ZNF469: variants seen among roughly 807,000 people sequenced by gnomAD.
ZNF469 encodes the protein zinc finger protein 469.
In ZNF469, 1 loss-of-function variant was observed where a neutral mutation model predicts 1.0. That is an observed-to-expected ratio of 1.00 (90% CI 0.35 to 4.73). The LOEUF (loss-of-function observed/expected upper bound fraction) is 4.73, where lower values mean the gene tolerates loss of function less well. Ranked by LOEUF, ZNF469 falls within the 30% of genes most tolerant of loss-of-function variation. The pLI, the probability that ZNF469 is intolerant of heterozygous loss-of-function variation, is 0.16. For missense variants in ZNF469, 6,100 were observed against 5,356.3 expected (o/e 1.14, Z -4.33); for synonymous variants, 2,703 against 2,363.4 (o/e 1.14, Z -4.17).
At position 88,424,143 on chromosome 16, in the gene ZNF469, G is replaced by C. The variant is rs73253645; in HGVS notation, c.-191-664G>C. On this transcript the variant is annotated intron_variant, in intron 1 of 2. Coordinates refer to ENST00000565624, the MANE Select transcript of ZNF469 (RefSeq NM_001367624.2). This position sits in a 1 kb window ranked among gnomAD's most constrained non-coding sequence, Gnocchi z 4.3. ...GTATTGTTTCTAAGGGCCGAATGCA[G>C]GCAGCAGCCCAGTGTCCATCCAGAC... Among the ~76,000 whole-genome samples the C allele has an allele frequency of 0.011, 1,708 of 152,370 alleles. 40 individuals are homozygous for C. Among genetic ancestry groups the C allele is most frequent in the African/African-American group, 0.039 (1,629 of 41,588 alleles).
At chr16:88,390,083 GAAAT>G (rs1904442921) in intron 1 of ZNF469, among the ~76,000 whole-genome samples, 1 of 152,210 alleles carries the variant, frequency 6.6e-6, no homozygotes, top group Admixed American at 6.5e-5. Flanking sequence ...CGAGGAGAAA[GAAAT>G]AATCAGACTT....
At chr16:88,331,406 A>T in the ZNF469 span, among the ~76,000 whole-genome samples, 1 of 150,310 alleles carries the variant, frequency 6.7e-6, no homozygotes, top group Non-Finnish European at 1.5e-5. Flanking sequence ...TACCATCGTC[A>T]TCACCATCAC....
chr16:88,301,544 C>G, the ZNF469 span, among the ~76,000 whole-genome samples: 25 of 152,222 alleles, frequency 1.6e-4, no homozygotes, highest in African/African-American at 5.8e-4. Context: ...CTCACCCGAA[C>G]AGCCTCTCCA....
chr16:88,411,689 T>C (rs1383792575), intron 1 of ZNF469, among the ~76,000 whole-genome samples: 2 of 152,028 alleles, frequency 1.3e-5, no homozygotes, highest in Non-Finnish European at 2.9e-5. Context: ...TGGCCTGAGG[T>C]GGCGCAGGGT....
chr16:88,365,675 C>T, the ZNF469 span, among the ~76,000 whole-genome samples: 2 of 152,182 alleles, frequency 1.3e-5, no homozygotes, highest in African/African-American at 2.4e-5. Flanking sequence ...GCCAGAGGGT[C>T]CTGACCAGGA....
chr16:88,350,626 C>T, the ZNF469 span, among the ~76,000 whole-genome samples: 3 of 152,360 alleles, frequency 2.0e-5, no homozygotes, highest in South Asian at 2.1e-4. Context: ...CGGAACCTCA[C>T]GTGGTGAAAG....
At chr16:88,147,097 G>C in the ZNF469 span, among the ~76,000 whole-genome samples, 1 of 152,102 alleles carries the variant, frequency 6.6e-6, no homozygotes, top group Non-Finnish European at 1.5e-5. Flanking sequence ...CCTTTCCAGG[G>C]AGAGGACCCT....
chr16:88,272,680 G>A, the ZNF469 span, among the ~76,000 whole-genome samples: 4 of 150,876 alleles, frequency 2.7e-5, no homozygotes, highest in African/African-American at 7.4e-5. Context: ...GTGGGTGTAT[G>A]GATAGACGAG....
chr16:88,183,752 G>A, the ZNF469 span, among the ~76,000 whole-genome samples: 2 of 152,180 alleles, frequency 1.3e-5, no homozygotes, highest in Non-Finnish European at 1.5e-5. Context: ...ACGTGATACC[G>A]CAATAAACCT....
At chr16:88,190,701 T>C in the ZNF469 span, among the ~76,000 whole-genome samples, 1 of 152,190 alleles carries the variant, frequency 6.6e-6, no homozygotes, top group Non-Finnish European at 1.5e-5. Flanking sequence ...GCTGAGGCTG[T>C]TGGAGAACTC....
rs1020140506 is a variant in ZNF469 at position 88,435,725 on chromosome 16, C to T, written c.8255C>T (p.Ala2752Val). 1 of 1,550,820 alleles carries T rather than the reference C, an allele frequency of 6.4e-7. No homozygotes were observed. The highest frequency in any genetic ancestry group is 8.7e-7 in the Non-Finnish European group (1 of 1,146,990). The part of the protein sequence containing the change: ...EQPTGQKGAS[A>V]RGFWGPRETK... ...CCAACTGGGCAGAAGGGAGCCTCGG[C>T]AAGGGGGTTCTGGGGACCAAGAGAG... is the stretch of plus-strand genomic sequence containing the variant. The change falls in exon 3 of 3, where the codon GCA becomes GTA. Residue 2752 changes from alanine (A) to valine (V), a missense_variant. Physicochemically the swap from Ala to Val is moderately conservative, Grantham distance 64. Transcript: ENST00000565624.
chr16:88,434,589 C>T lies in ZNF469; in HGVS notation c.7119C>T (p.Ser2373=). 3.2e-6 allele frequency: 5 copies of T among 1,550,314 alleles called. No individual in the cohort carries two copies. Among genetic ancestry groups the T allele is most frequent in the Non-Finnish European group, 4.4e-6 (5 of 1,146,926 alleles). ...PACLEGEMGT[S]SKEPEDPGTP... ...GCCTGGAAGGTGAGATGGGGACCAG[C>T]AGCAAGGAGCCGGAGGACCCAGGGA... Residue 2373 remains serine, a synonymous_variant, in exon 3 of 3, where the codon AGC becomes AGT. Transcript: ENST00000565624.
chr16:88,381,112 GCACACACGCACACACAGACATGCACTCA>G (rs1567495878), upstream of ZNF469, among the ~76,000 whole-genome samples: 1 of 48,224 alleles, frequency 2.1e-5, no homozygotes, highest in Non-Finnish European at 4.3e-5. Context: ...ACATGCACTC[GCACACACGCACACACAGACATGCACTCA>G]CACACACACT....
At chr16:88,209,235 A>G in the ZNF469 span, among the ~76,000 whole-genome samples, 1 of 151,650 alleles carries the variant, frequency 6.6e-6, no homozygotes, top group East Asian at 1.9e-4. Flanking sequence ...CCTGTGACAT[A>G]CACCGTCTCA....
the ZNF469 span, among the ~76,000 whole-genome samples, chr16:88,338,070 G>A: frequency 5.9e-5 from 9 of 152,072 alleles, no homozygotes; most frequent in Admixed American, 4.6e-4. Flanking sequence ...CTTGGCCAGC[G>A]GTTCCTAACT....
At chr16:88,296,539 TAC>T in the ZNF469 span, among the ~76,000 whole-genome samples, 4 of 142,022 alleles carry the variant, frequency 2.8e-5, no homozygotes, top group Non-Finnish European at 6.0e-5. Flanking sequence ...CAGGTGCACA[TAC>T]ACACATATAT....
Position 88,434,439 on chromosome 16 carries a change from CA to C in ZNF469, c.6970del (p.Arg2324GlyfsTer149). 6.5e-7 allele frequency: 1 copy of C among 1,549,800 alleles called. No homozygotes were observed. Among genetic ancestry groups the C allele is most frequent in the Non-Finnish European group, 8.7e-7 (1 of 1,146,928 alleles). ...PPHTNPDRMP[R>X]GHSSYSPSNT... ...CCCACACCAACCCTGACAGGATGCC[CA>C]GGGGCCACTCCTCGTATTCTCCAAG... On this transcript the variant is annotated frameshift_variant, in exon 3 of 3. Transcript: ENST00000565624. LOFTEE classifies it low-confidence loss of function (END_TRUNC).
the ZNF469 span, among the ~76,000 whole-genome samples, chr16:88,232,044 G>C: frequency 1.3e-5 from 2 of 152,134 alleles, no homozygotes; most frequent in Non-Finnish European, 2.9e-5. Context: ...CAGGCTCCTG[G>C]ACCTGGAGCC....
At chr16:88,271,498 C>T in the ZNF469 span, among the ~76,000 whole-genome samples, 4 of 140,880 alleles carry the variant, frequency 2.8e-5, no homozygotes, top group African/African-American at 9.9e-5. Flanking sequence ...TCTCGAAGGC[C>T]TCAGTAGGAC....
Sources: allele counts gnomAD v4.1 joint callset (sites outside exome capture counted in the v4.1 genomes callset), GRCh38; gene constraint gnomAD v4.1.1; non-coding constraint Gnocchi (gnomAD v3.1); transcripts MANE v1.5; gene names NCBI Gene and HGNC (gene_info 2026-07-23, HGNC 2026-07-21).